Variants in CCN4 observed in about 807,000 individuals in gnomAD.
The protein encoded by CCN4 is cellular communication network factor 4.
A neutral mutation model predicts 36.7 loss-of-function variants in CCN4; 30 were observed. The ratio of observed to expected loss-of-function variants is 0.82; its 90% confidence interval spans 0.61 to 1.11. The LOEUF is 1.11. Among genes scored for constraint, CCN4 ranks in the 50% least tolerant of loss-of-function variants. The pLI, the probability that CCN4 is intolerant of heterozygous loss-of-function variation, is 0.00. For synonymous variants in CCN4, 191 were observed against 195.4 expected, an observed-to-expected ratio of 0.98 and a Z score of 0.19; for missense variants, 505 against 504.9, an observed-to-expected ratio of 1.00 and a Z score of 0.00.
chr8:133,209,366 G>A (rs1853901952), intron 1 of CCN4, among the ~76,000 whole-genome samples: 1 of 152,178 alleles, frequency 6.6e-6, no homozygotes, highest in Non-Finnish European at 1.5e-5. Context: ...CTCATGCCCT[G>A]GGGTCCAGAG....
At chr8:133,214,859 C>G (rs1854262874) in intron 2 of CCN4, among the ~76,000 whole-genome samples, 1 of 152,206 alleles carries the variant, frequency 6.6e-6, no homozygotes, top group Admixed American at 6.5e-5. Context: ...AACGTAGTCT[C>G]TCATCCTCAG....
chr8:133,208,764 G>A (rs2130563849), intron 1 of CCN4, among the ~76,000 whole-genome samples: 1 of 152,124 alleles, frequency 6.6e-6, no homozygotes, highest in South Asian at 2.1e-4. Context: ...GCCCTCTTCA[G>A]CCCCAGCACA....
intron 1 of CCN4, among the ~76,000 whole-genome samples, chr8:133,200,732 G>C (rs886320888): frequency 3.9e-5 from 6 of 152,150 alleles, no homozygotes; most frequent in Non-Finnish European, 7.4e-5. Flanking sequence ...GGATTGTTTT[G>C]ATGATCAGGA....
chr8:133,213,110 G>T lies in CCN4; in HGVS notation c.316G>T (p.Asp106Tyr). Residue 106 changes from aspartate (D) to tyrosine (Y), a missense_variant, in exon 2 of 5, where the codon GAC becomes TAC. By Grantham distance (160) the Asp-to-Tyr change is radical. Coordinates refer to ENST00000250160, the MANE Select transcript of CCN4 (RefSeq NM_003882.4). The stretch of plus-strand genomic sequence containing the variant: ...GGGCCTCTACTGTGACTACAGCGGG[G>T]ACCGCCCGAGGTACGCAATAGGAGT... ...HRGLYCDYSG[D>Y]RPRYAIGVCA... The T allele has an allele frequency of 6.2e-7, 1 of 1,613,398 alleles. No individual in the cohort carries two copies. Among genetic ancestry groups the T allele is most frequent in the Non-Finnish European group, 8.5e-7 (1 of 1,179,436 alleles).
intron 1 of CCN4, among the ~76,000 whole-genome samples, chr8:133,210,978 T>C (rs1229836501): frequency 2.6e-5 from 4 of 152,194 alleles, no homozygotes; most frequent in Non-Finnish European, 5.9e-5. Flanking sequence ...ATCAAGCCTA[T>C]GGGAGATGAA....
At chr8:133,220,537 G>A (rs1214038794) in intron 2 of CCN4, 44 bp from the exon 3 acceptor site, 1 of 1,594,366 alleles carries the variant, frequency 6.3e-7, no homozygotes. Flanking sequence ...GGCCAGCCAG[G>A]GGCACCAAGG....
chr8:133,218,073 A>C (rs1026635205), intron 2 of CCN4, among the ~76,000 whole-genome samples: 5 of 151,750 alleles, frequency 3.3e-5, no homozygotes, highest in African/African-American at 1.2e-4. Context: ...CCCCTCCTTC[A>C]CTGGTGTCTG....
chr8:133,225,814 A>G (rs1191525295), intron 4 of CCN4, among the ~76,000 whole-genome samples: 3 of 152,094 alleles, frequency 2.0e-5, no homozygotes, highest in African/African-American at 2.4e-5. Context: ...AATCAGGATC[A>G]CTCCAGAGAA....
chr8:133,203,900 G>T (rs927399483), intron 1 of CCN4, among the ~76,000 whole-genome samples: 1 of 152,164 alleles, frequency 6.6e-6, no homozygotes, highest in African/African-American at 2.4e-5. Flanking sequence ...ATATGCAAAC[G>T]TCAAATTATA....
In CCN4 at chr8:133,220,828, C is replaced by A; in HGVS notation, c.597C>A (p.Asp199Glu). 6.3e-7 allele frequency: 1 copy of A among 1,599,686 alleles called. No individual in the cohort carries two copies. The highest frequency in any genetic ancestry group is 1.1e-5 in the South Asian group (1 of 90,698). Residue 199 changes from aspartate to glutamate, a missense_variant, in exon 3 of 5, where the codon GAC (aspartate) becomes GAA (glutamate). Transcript: ENST00000250160. Reference protein sequence around the residue: ...AKRPRKTAPRDTGAFDAVGEV... With the variant: ...AKRPRKTAPRETGAFDAVGEV... ...GGCCACGCAAGACCGCACCCCGTGA[C>A]ACAGGAGCCTTCGGTGGGTGTGGGC...
intron 1 of CCN4, 80 bp downstream of exon 1, chr8:133,191,293 A>C (rs1425451465): frequency 6.8e-7 from 1 of 1,468,566 alleles, no homozygotes; most frequent in Non-Finnish European, 9.2e-7. Flanking sequence ...GCTGGTGGGC[A>C]GGATGAAAAG....
rs933364316 is a variant in CCN4 at position 133,231,164 on chromosome 8, G to A, written c.*3454G>A. The A allele has an allele frequency of 3.3e-5, 5 of 152,210 alleles. No individual in the cohort carries two copies. Among genetic ancestry groups the A allele is most frequent in the Admixed American group, 3.3e-4 (5 of 15,286 alleles). 9.4% of individuals were successfully genotyped at this position (152,210 alleles called of 1,614,324 possible). A position where few individuals can be genotyped will look rare whatever the true frequency, so the allele number is the denominator to read the frequency against. On this transcript the variant is annotated 3_prime_UTR_variant, in exon 5 of 5. Coordinates refer to ENST00000250160, the MANE Select transcript of CCN4 (RefSeq NM_003882.4). The stretch of plus-strand genomic sequence containing the variant: ...TATAATCTCGCTAGCCTTGTACTGT[G>A]TGTGCATAGCAATTACAGGGAAGTA...
At chr8:133,195,082 TTG>T (rs992485084) in intron 1 of CCN4, among the ~76,000 whole-genome samples, 52 of 147,914 alleles carry the variant, frequency 3.5e-4, no homozygotes, top group Middle Eastern at 3.5e-3. Flanking sequence ...TGTAGTGTGC[TTG>T]TGTGTGTGTG....
Position 133,220,823 on chromosome 8 carries a change from C to G in CCN4, c.592C>G (p.Arg198Gly). 1.2e-6 allele frequency: 2 copies of G among 1,601,920 alleles called. No homozygotes were observed. Among genetic ancestry groups the G allele is most frequent in the Non-Finnish European group, 1.7e-6 (2 of 1,171,948 alleles). The change falls in exon 3 of 5, where the codon CGT (arginine) becomes GGT (glycine). Residue 198 changes from arginine to glycine, a missense_variant. Physicochemically the swap from Arg to Gly is moderately radical, Grantham distance 125. Transcript: ENST00000250160. ...CAAGAGGCCACGCAAGACCGCACCC[C>G]GTGACACAGGAGCCTTCGGTGGGTG... ...DAKRPRKTAP[R>G]DTGAFDAVGE...
chr8:133,194,474 T>TGTGTGTGC (rs1853254218), intron 1 of CCN4, among the ~76,000 whole-genome samples: 1 of 77,206 alleles, frequency 1.3e-5, no homozygotes, highest in African/African-American at 5.6e-5. Context: ...GGGGTGTGTG[T>TGTGTGTGC]GTGTGTGGTG....
chr8:133,209,021 G>A (rs963205654), intron 1 of CCN4, among the ~76,000 whole-genome samples: 1 of 152,200 alleles, frequency 6.6e-6, no homozygotes, highest in African/African-American at 2.4e-5. Context: ...CAGGGGCTCT[G>A]TCTTAGGCAC....
intron 1 of CCN4, among the ~76,000 whole-genome samples, chr8:133,195,866 A>G (rs1853363276): frequency 6.6e-6 from 1 of 152,198 alleles, no homozygotes; most frequent in Admixed American, 6.5e-5. Context: ...ACAGCAACCC[A>G]GGGATCTTCC....
chr8:133,231,437 G>A lies in CCN4; in HGVS notation c.*3727G>A, dbSNP rs1427674975. 2.0e-5 allele frequency: 3 copies of A among 152,120 alleles called. No individual in the cohort carries two copies. Among genetic ancestry groups the A allele is most frequent in the South Asian group, 4.1e-4 (2 of 4,828 alleles). 9.4% of individuals were successfully genotyped at this position (152,120 alleles called of 1,614,324 possible). A position where few individuals can be genotyped will look rare whatever the true frequency, so the allele number is the denominator to read the frequency against. On this transcript the variant is annotated 3_prime_UTR_variant, in exon 5 of 5. Coordinates refer to ENST00000250160, the MANE Select transcript of CCN4 (RefSeq NM_003882.4). ...AACGTCTTAGAATTTTCCAATAGAG[G>A]AAAAATAACACTTGGGCAATCTGTC... is the stretch of plus-strand genomic sequence containing the variant.
chr8:133,206,748 G>T (rs1225907383), intron 1 of CCN4, among the ~76,000 whole-genome samples: 1 of 152,180 alleles, frequency 6.6e-6, no homozygotes, highest in Non-Finnish European at 1.5e-5. Context: ...GCCAGTGGAT[G>T]GGCACAAGGT....
Sources: gnomAD v4.1 joint callset for allele counts (sites outside exome capture counted in the v4.1 genomes callset) on GRCh38, gnomAD v4.1.1 for gene constraint, MANE v1.5 for transcripts, NCBI Gene and HGNC (gene_info 2026-07-23, HGNC 2026-07-21) for gene names.